Variants in PRRC1 observed in about 807,000 individuals in gnomAD.
The protein encoded by PRRC1 is protein PRRC1.
In PRRC1, 39 loss-of-function variants were observed where a neutral mutation model predicts 40.7. The ratio of observed to expected loss-of-function variants is 0.96; its 90% CI spans 0.74 to 1.25. The LOEUF (loss-of-function observed/expected upper bound fraction) is 1.25, where lower values mean the gene tolerates loss of function less well. Ranked by LOEUF, PRRC1 falls within the 50% of genes most tolerant of loss-of-function variation. The pLI is 0.00. For synonymous variants in PRRC1, 175 were observed against 193.3 expected (o/e 0.91, Z 0.79); for missense variants, 573 against 548.3 (o/e 1.05, Z -0.45).
In PRRC1 at chr5:127,552,677, A is replaced by G. The variant is rs366515; in HGVS notation, c.*761A>G. Reference sequence around the variant, plus strand: ...TATATTTTAAATCAGAAGTATTCAAATTATTTTTGTATAATACTGTTCAGT... The same window carrying G: ...TATATTTTAAATCAGAAGTATTCAAGTTATTTTTGTATAATACTGTTCAGT... On this transcript the variant is annotated 3_prime_UTR_variant, in exon 9 of 9. Coordinates refer to ENST00000296666, the MANE Select transcript of PRRC1 (RefSeq NM_130809.5). 0.3 allele frequency: 296,551 copies of G among 980,332 alleles called. 45,619 individuals are homozygous for G. The highest frequency in any genetic ancestry group is 0.55 in the East Asian group (4,805 of 8,754). 60.7% of individuals were successfully genotyped at this position (980,332 alleles called of 1,614,324 possible).
At chr5:127,528,443 T>C (rs1767682867) in intron 4 of PRRC1, among the ~76,000 whole-genome samples, 1 of 152,108 alleles carries the variant, frequency 6.6e-6, no homozygotes, top group African/African-American at 2.4e-5. Flanking sequence ...GCCTCCCAAG[T>C]AGCTGGGATT....
intron 7 of PRRC1, among the ~76,000 whole-genome samples, chr5:127,542,157 G>A (rs1038772414): frequency 6.6e-6 from 1 of 152,174 alleles, no homozygotes; most frequent in Non-Finnish European, 1.5e-5. Flanking sequence ...GGAGCAGGTT[G>A]TTCAGTTTCC....
chr5:127,527,757 C>CAA (rs11395244), intron 4 of PRRC1, among the ~76,000 whole-genome samples: 2,128 of 79,500 alleles, frequency 0.027, 44 homozygotes, highest in East Asian at 0.037. Flanking sequence ...GACACTGTCT[C>CAA]AAAAAAAAAA....
At chr5:127,532,117 G>GTT (rs572358905) in intron 5 of PRRC1, among the ~76,000 whole-genome samples, 1 of 143,816 alleles carries the variant, frequency 7.0e-6, no homozygotes, top group Non-Finnish European at 1.5e-5. Flanking sequence ...TTTTTTTGTT[G>GTT]TTTTTTTTTT....
intron 7 of PRRC1, among the ~76,000 whole-genome samples, chr5:127,543,585 T>C (rs1768117808): frequency 1.3e-5 from 2 of 152,152 alleles, no homozygotes; most frequent in African/African-American, 4.8e-5. Flanking sequence ...TTTATTCTTT[T>C]TTCTCTAAAC....
At chr5:127,539,265 C>A in intron 7 of PRRC1, 122 bp downstream of exon 7, 1 of 663,720 alleles carries the variant, frequency 1.5e-6, no homozygotes, top group Admixed American at 2.5e-5. Context: ...TTGATGCTGG[C>A]TATATCACTT....
chr5:127,538,944 G>A (rs1298187601), intron 6 of PRRC1, 96 bp from the exon 7 acceptor site: 1 of 790,916 alleles, frequency 1.3e-6, no homozygotes, highest in Non-Finnish European at 2.0e-6. Context: ...ATATGTGTTT[G>A]CATATAAATG....
At chr5:127,548,288 T>C in intron 8 of PRRC1, 2 of 412,946 alleles carry the variant, frequency 4.8e-6, no homozygotes, top group Non-Finnish European at 8.7e-6. Context: ...GTTATCTCCA[T>C]TTCCCTTTTC....
chr5:127,543,635 A>G (rs1327529370), intron 7 of PRRC1, among the ~76,000 whole-genome samples: 5 of 151,906 alleles, frequency 3.3e-5, no homozygotes, highest in Non-Finnish European at 5.9e-5. Context: ...ATCTTCCATC[A>G]CTGATACCCT....
At chr5:127,533,097 TG>T (rs1170533979) in intron 5 of PRRC1, among the ~76,000 whole-genome samples, 3 of 152,184 alleles carry the variant, frequency 2.0e-5, no homozygotes, top group Admixed American at 1.3e-4. Flanking sequence ...CATATATGCT[TG>T]CATATTTATA....
intron 4 of PRRC1, among the ~76,000 whole-genome samples, chr5:127,528,809 A>T (rs964199425): frequency 4.6e-5 from 7 of 152,254 alleles, no homozygotes; most frequent in African/African-American, 1.7e-4. Context: ...CAGCTACTCA[A>T]TGGAGTATTT....
intron 7 of PRRC1, among the ~76,000 whole-genome samples, chr5:127,547,423 G>T (rs907448946): frequency 6.6e-6 from 1 of 151,940 alleles, no homozygotes; most frequent in African/African-American, 2.4e-5. Context: ...ATTCATGATA[G>T]AGTTTGTATT....
chr5:127,519,936 A>G (rs1767416224), intron 1 of PRRC1, among the ~76,000 whole-genome samples: 1 of 152,154 alleles, frequency 6.6e-6, no homozygotes, highest in Non-Finnish European at 1.5e-5. Flanking sequence ...GCATGGCACC[A>G]CCATCTATCT....
At chr5:127,550,513 T>C (rs1768350252) in intron 8 of PRRC1, 1 of 152,202 alleles carries the variant, frequency 6.6e-6, no homozygotes, top group African/African-American at 2.4e-5. Context: ...AAACCCCAGC[T>C]GTTCTGGATT....
chr5:127,543,305 A>G (rs1208903186), intron 7 of PRRC1, among the ~76,000 whole-genome samples: 1 of 150,578 alleles, frequency 6.6e-6, no homozygotes, highest in Non-Finnish European at 1.5e-5. Flanking sequence ...TGCCCTTAAC[A>G]TTTTTTCCTT....
At chr5:127,529,302 A>G (rs1238828927) in intron 4 of PRRC1, among the ~76,000 whole-genome samples, 5 of 152,024 alleles carry the variant, frequency 3.3e-5, no homozygotes, top group Non-Finnish European at 5.9e-5. Flanking sequence ...TGTTTCAGGA[A>G]TGTGGCATTT....
intron 6 of PRRC1, 134 bp from the exon 7 acceptor site, chr5:127,538,905 TA>T (rs778914575): frequency 5.5e-4 from 286 of 523,802 alleles, no homozygotes; most frequent in Non-Finnish European, 8.4e-4. Flanking sequence ...TACATTTTTG[TA>T]TTGTTTGAAC....
intron 8 of PRRC1, chr5:127,550,899 G>C (rs112379114): frequency 1.9e-4 from 29 of 152,226 alleles, no homozygotes; most frequent in African/African-American, 4.6e-4. Context: ...GTTTCTCTTG[G>C]AACCAGCTGT....
At position 127,523,536 on chromosome 5, in the gene PRRC1, T is replaced by G; in HGVS notation, c.57T>G (p.Pro19=). ...CACCTGGGACTCCTCCACCAAATCC[T>G]GCAGGGCTGGCTGCTACTGCTATGT... ...TTPPGTPPPN[P]AGLAATAMSS... Residue 19 remains proline (P), a synonymous_variant, in exon 2 of 9, where the codon CCT becomes CCG. Transcript: ENST00000296666. 1 of 1,613,314 alleles carries G rather than the reference T, an allele frequency of 6.2e-7. No individual in the cohort carries two copies.
Sources: allele counts gnomAD v4.1 joint callset (sites outside exome capture counted in the v4.1 genomes callset), GRCh38; gene constraint gnomAD v4.1.1; transcripts MANE v1.5; gene names NCBI Gene and HGNC (gene_info 2026-07-23, HGNC 2026-07-21).